RASGEF1C: variants seen among roughly 807,000 people sequenced by gnomAD.
RASGEF1C encodes the protein ras-GEF domain-containing family member 1C.
In RASGEF1C, 27 loss-of-function variants were observed where a neutral mutation model predicts 58.1. The ratio of observed to expected loss-of-function variants is 0.46; its 90% CI spans 0.34 to 0.64. The LOEUF is 0.64. RASGEF1C is among the 30% of genes least tolerant of loss of function. The pLI, the probability that RASGEF1C is intolerant of heterozygous loss-of-function variation, is 0.01. For synonymous variants in RASGEF1C, 243 were observed against 246.3 expected, an observed-to-expected ratio of 0.99 and a Z score of 0.13; for missense variants, 502 against 605.1, an observed-to-expected ratio of 0.83 and a Z score of 1.79.
chr5:180,133,955 G>C (rs941551326), intron 4 of RASGEF1C, among the ~76,000 whole-genome samples: 2 of 152,186 alleles, frequency 1.3e-5, no homozygotes, highest in Non-Finnish European at 2.9e-5. Context: ...GGTGGGGACA[G>C]GTATTATCCT....
At chr5:180,174,406 G>A (rs2113314482) in intron 1 of RASGEF1C, among the ~76,000 whole-genome samples, 1 of 151,456 alleles carries the variant, frequency 6.6e-6, no homozygotes, top group African/African-American at 2.4e-5. Context: ...GTGTGCGTCT[G>A]TGTGTGCGTG....
chr5:180,136,696 A>G (rs939365016), intron 3 of RASGEF1C, 181 bp from the exon 4 acceptor site: 7 of 629,472 alleles, frequency 1.1e-5, no homozygotes, highest in Admixed American at 3.1e-5. Flanking sequence ...GGGGGGACGG[A>G]CACATTTCTG....
chr5:180,114,366 G>T (rs764853879), intron 11 of RASGEF1C, 80 bp downstream of exon 11: 67 of 1,374,104 alleles, frequency 4.9e-5, no homozygotes, highest in Non-Finnish European at 6.7e-5. Flanking sequence ...ATGAGGCTGG[G>T]TGTCCAAGGG....
At chr5:180,205,050 G>A (rs995594982) in intron 1 of RASGEF1C, among the ~76,000 whole-genome samples, 6 of 152,114 alleles carry the variant, frequency 3.9e-5, no homozygotes, top group Admixed American at 1.3e-4. Context: ...TTAGCCTGAC[G>A]TGGTGGCAGG....
chr5:180,192,814 G>T (rs1273851477), intron 1 of RASGEF1C, among the ~76,000 whole-genome samples: 1 of 150,766 alleles, frequency 6.6e-6, no homozygotes, highest in Non-Finnish European at 1.5e-5. Context: ...TCGCAATCTC[G>T]GCTCACTGCA....
At chr5:180,119,113 A>T (rs1390436453) in intron 8 of RASGEF1C, among the ~76,000 whole-genome samples, 1 of 152,144 alleles carries the variant, frequency 6.6e-6, no homozygotes, top group African/African-American at 2.4e-5. Flanking sequence ...GGGACATACC[A>T]CCAAGCCCTC....
At chr5:180,175,502 A>G (rs1249259125) in intron 1 of RASGEF1C, among the ~76,000 whole-genome samples, 10 of 152,216 alleles carry the variant, frequency 6.6e-5, no homozygotes, top group Admixed American at 6.5e-4. Context: ...CCTTGGGCTC[A>G]GGACCCTCAG....
rs748855721 is a variant in RASGEF1C at position 180,118,774 on chromosome 5, C to T, written c.987+13G>A. The T allele has an allele frequency of 8.1e-6, 13 of 1,614,200 alleles. 1 individual carries two copies. The South Asian group carries it at 1.4e-4, about 18-fold the overall frequency. ...TGGCCGGAGGCACCCGGCAGCCCAG[C>T]AGCCTCATTTACCTCGAGGATGAAA... On this transcript the variant is annotated intron_variant, in intron 9 of 13. Transcript: ENST00000361132.
chr5:180,150,850 T>C (rs1220532935), intron 1 of RASGEF1C, among the ~76,000 whole-genome samples: 1 of 152,030 alleles, frequency 6.6e-6, no homozygotes, highest in Non-Finnish European at 1.5e-5. Flanking sequence ...CTTAAGCTGA[T>C]AGGCAACTTC....
chr5:180,128,959 A>G (rs2113267286), intron 4 of RASGEF1C, among the ~76,000 whole-genome samples: 1 of 152,354 alleles, frequency 6.6e-6, no homozygotes, highest in East Asian at 1.9e-4. Context: ...AGCCAGAGAA[A>G]GGGAGAGAGG....
At chr5:180,121,336 C>T (rs550716084) in intron 6 of RASGEF1C, among the ~76,000 whole-genome samples, 187 bp from the exon 7 acceptor site, 15 of 149,128 alleles carry the variant, frequency 1.0e-4, no homozygotes, top group Non-Finnish European at 1.5e-4. Flanking sequence ...TTTTTTGAGA[C>T]GGAGTCCCGC....
chr5:180,156,243 A>G lies in RASGEF1C; in HGVS notation c.-6-18185T>C, dbSNP rs1766845297. Among the ~76,000 whole-genome samples the G allele has an allele frequency of 6.6e-6, 1 of 152,160 alleles. No individual in the cohort carries two copies. Among genetic ancestry groups the G allele is most frequent in the African/African-American group, 2.4e-5 (1 of 41,432 alleles). On this transcript the variant is annotated intron_variant, in intron 1 of 13. Coordinates refer to ENST00000361132, the MANE Select transcript of RASGEF1C (RefSeq NM_175062.4). This position sits in a 1 kb window ranked among gnomAD's most constrained non-coding sequence, Gnocchi z 4.9. ...AGGGCAGGTGCATGCTGATGGTGCA[A>G]GGAGAGGACGGCACTGCCCCTGCTG...
At chr5:180,134,329 G>A (rs115964400) in intron 4 of RASGEF1C, among the ~76,000 whole-genome samples, 2,863 of 152,108 alleles carry the variant, frequency 0.019, 95 homozygotes, top group African/African-American at 0.063. Flanking sequence ...TGACAGACCT[G>A]TGCGTTCTCC....
intron 1 of RASGEF1C, among the ~76,000 whole-genome samples, chr5:180,200,454 C>T (rs553171013): frequency 1.1e-4 from 16 of 151,082 alleles, no homozygotes; most frequent in East Asian, 4.0e-4. Context: ...GGACTACAGG[C>T]GCCCGCCACC....
At chr5:180,119,565 C>T (rs1028064806) in intron 7 of RASGEF1C, 117 bp from the exon 8 acceptor site, 1 of 736,594 alleles carries the variant, frequency 1.4e-6, no homozygotes, top group Non-Finnish European at 2.3e-6. Context: ...AGCTGAGGCA[C>T]TTGAGGCTCA....
At chr5:180,196,370 G>A (rs1014516615) in intron 1 of RASGEF1C, among the ~76,000 whole-genome samples, 5 of 151,866 alleles carry the variant, frequency 3.3e-5, no homozygotes, top group South Asian at 2.1e-4. Flanking sequence ...GTGTCGTGGC[G>A]GAAGACTGTA....
intron 12 of RASGEF1C, among the ~76,000 whole-genome samples, chr5:180,108,288 A>C (rs1765902252): frequency 6.8e-6 from 1 of 147,272 alleles, no homozygotes; most frequent in Non-Finnish European, 1.5e-5. Flanking sequence ...TGTAACCTCC[A>C]CCTCTTTGGT....
chr5:180,140,996 G>A (rs1766569328), intron 1 of RASGEF1C, among the ~76,000 whole-genome samples: 1 of 152,208 alleles, frequency 6.6e-6, no homozygotes, highest in South Asian at 2.1e-4. Context: ...CACGTTCCTT[G>A]TGTGCAAAAA....
At chr5:180,109,233 G>C (rs1765916405) in intron 12 of RASGEF1C, among the ~76,000 whole-genome samples, 1 of 152,048 alleles carries the variant, frequency 6.6e-6, no homozygotes. Context: ...GAGGCGGGTG[G>C]ATCATGAGGT....
Sources: allele counts gnomAD v4.1 joint callset (sites outside exome capture counted in the v4.1 genomes callset), GRCh38; gene constraint gnomAD v4.1.1; non-coding constraint Gnocchi (gnomAD v3.1); transcripts MANE v1.5; gene names NCBI Gene and HGNC (gene_info 2026-07-23, HGNC 2026-07-21).